WDR72: variants seen among roughly 807,000 people sequenced by gnomAD.
WDR72 encodes WD repeat domain 72, also known as WD repeat-containing protein 72.
WDR72 carries 120 observed loss-of-function variants against 124.2 expected under a neutral mutation model. The ratio of observed to expected loss-of-function variants is 0.97; its 90% CI spans 0.83 to 1.12. The LOEUF (loss-of-function observed/expected upper bound fraction) is 1.12, where lower values mean the gene tolerates loss of function less well. WDR72 is among the 50% of genes most tolerant of loss of function. The pLI is 0.00. For synonymous variants in WDR72, 452 were observed against 441.7 expected (o/e 1.02, Z -0.29); for missense variants, 1,387 against 1,278.8 (o/e 1.08, Z -1.29).
At chr15:53,585,004 T>A (rs914690060) in intron 18 of WDR72, among the ~76,000 whole-genome samples, 37 of 152,012 alleles carry the variant, frequency 2.4e-4, no homozygotes, top group Admixed American at 2.3e-3. Context: ...TGAACTTTAA[T>A]ATCTCATTCA....
At chr15:53,598,993 G>A (rs530751049) in intron 17 of WDR72, among the ~76,000 whole-genome samples, 6 of 152,050 alleles carry the variant, frequency 3.9e-5, no homozygotes, top group African/African-American at 1.4e-4. Flanking sequence ...GCTTGGTGGT[G>A]CGCACCTGTA....
At chr15:53,592,807 C>T (rs1364727814) in intron 18 of WDR72, among the ~76,000 whole-genome samples, 4 of 152,006 alleles carry the variant, frequency 2.6e-5, no homozygotes, top group African/African-American at 9.7e-5. Context: ...CTTTCAAATG[C>T]AATTTAATAA....
At chr15:53,522,170 T>C (rs1046207873) in intron 19 of WDR72, among the ~76,000 whole-genome samples, 2 of 152,020 alleles carry the variant, frequency 1.3e-5, no homozygotes, top group African/African-American at 4.8e-5. Context: ...GGACCTGACA[T>C]AGATTGCAGG....
intron 13 of WDR72, 129 bp downstream of exon 13, chr15:53,699,621 T>C: frequency 1.0e-6 from 1 of 994,786 alleles, no homozygotes; most frequent in Non-Finnish European, 1.5e-6. Flanking sequence ...CTGAAGCCAT[T>C]AAATGCAGCC....
chr15:53,557,877 C>T (rs927217497), intron 18 of WDR72, among the ~76,000 whole-genome samples: 12 of 151,894 alleles, frequency 7.9e-5, no homozygotes, highest in African/African-American at 2.7e-4. Context: ...AGTGGCTAGC[C>T]AGGATGACAC....
chr15:53,599,896 A>G (rs1420078238), intron 17 of WDR72, among the ~76,000 whole-genome samples: 1 of 152,196 alleles, frequency 6.6e-6, no homozygotes, highest in Non-Finnish European at 1.5e-5. Context: ...CCACAAATGC[A>G]TATTATAAGA....
At chr15:53,594,770 C>T (rs1036309221) in intron 18 of WDR72, among the ~76,000 whole-genome samples, 7 of 151,700 alleles carry the variant, frequency 4.6e-5, no homozygotes, top group South Asian at 2.1e-4. Context: ...CCAGACTAGT[C>T]GACAGAGCCT....
intron 7 of WDR72, 32 bp from the exon 8 acceptor site, chr15:53,711,513 G>A: frequency 6.2e-7 from 1 of 1,610,952 alleles, no homozygotes; most frequent in Non-Finnish European, 8.5e-7. Context: ...CATTATCAAA[G>A]GCTTAAATCT....
chr15:53,527,901 C>T (rs758680025), intron 18 of WDR72, among the ~76,000 whole-genome samples: 3 of 151,962 alleles, frequency 2.0e-5, no homozygotes, highest in Non-Finnish European at 2.9e-5. Flanking sequence ...GAGTTGAATG[C>T]CATCCTGCTT....
chr15:53,617,881 A>C (rs2013830876), intron 14 of WDR72, among the ~76,000 whole-genome samples: 1 of 152,112 alleles, frequency 6.6e-6, no homozygotes, highest in African/African-American at 2.4e-5. Flanking sequence ...ATAAACAATA[A>C]ATCTACAAAG....
chr15:53,700,912 C>T (rs557393455), intron 12 of WDR72, among the ~76,000 whole-genome samples: 17 of 152,150 alleles, frequency 1.1e-4, no homozygotes, highest in Non-Finnish European at 2.1e-4. Context: ...GCCCAACGTG[C>T]TCCAGGAAAC....
At chr15:53,532,198 T>A (rs1048503915) in intron 18 of WDR72, among the ~76,000 whole-genome samples, 25 of 152,128 alleles carry the variant, frequency 1.6e-4, no homozygotes, top group African/African-American at 5.6e-4. Context: ...CTGGTGGGAA[T>A]GTAAATTAGT....
intron 17 of WDR72, 71 bp downstream of exon 17, chr15:53,609,442 A>T: frequency 7.6e-7 from 1 of 1,307,862 alleles, no homozygotes; most frequent in South Asian, 1.2e-5. Context: ...TTTCAGATAG[A>T]GGGGGGTATC....
chr15:53,735,249 C>T (rs1034206293), intron 1 of WDR72, among the ~76,000 whole-genome samples: 2 of 152,070 alleles, frequency 1.3e-5, no homozygotes, highest in Non-Finnish European at 2.9e-5. Context: ...TGAGATTGTG[C>T]CACTGCACTC....
At chr15:53,594,802 A>G (rs892653779) in intron 18 of WDR72, among the ~76,000 whole-genome samples, 2 of 151,348 alleles carry the variant, frequency 1.3e-5, no homozygotes, top group Non-Finnish European at 2.9e-5. Flanking sequence ...CCCCCCAAAA[A>G]AAATCCTATC....
At chr15:53,669,217 G>A (rs1022784598) in intron 13 of WDR72, among the ~76,000 whole-genome samples, 2 of 152,092 alleles carry the variant, frequency 1.3e-5, no homozygotes, top group African/African-American at 4.8e-5. Flanking sequence ...GGGTAGTTTT[G>A]TAACAGCGCC....
At chr15:53,528,455 A>G (rs1892246752) in intron 18 of WDR72, among the ~76,000 whole-genome samples, 1 of 152,060 alleles carries the variant, frequency 6.6e-6, no homozygotes, top group Non-Finnish European at 1.5e-5. Flanking sequence ...GTTTAGCAAG[A>G]TGAGTTAAGG....
At chr15:53,673,680 T>C (rs977875861) in intron 13 of WDR72, among the ~76,000 whole-genome samples, 2 of 152,126 alleles carry the variant, frequency 1.3e-5, no homozygotes, top group African/African-American at 4.8e-5. Context: ...AAAAAGCATA[T>C]ATATTTCATT....
At position 53,674,308 on chromosome 15, in the gene WDR72, A is replaced by T. The variant is rs533168360; in HGVS notation, c.1766-8540T>A. ...TCAACAAAACCACTGACTGACAGTT[A>T]TAATCAAATTCCACAAATCAAAAAA... is the stretch of plus-strand genomic sequence containing the variant. On this transcript the variant is annotated intron_variant, in intron 13 of 19. Transcript: ENST00000360509. Among the ~76,000 whole-genome samples, 3 of 152,362 alleles carry T rather than the reference A, an allele frequency of 2.0e-5. No individual in the cohort carries two copies. In the East Asian group the frequency reaches 5.8e-4, roughly 29 times the overall value.
Sources: gnomAD v4.1 joint callset for allele counts (sites outside exome capture counted in the v4.1 genomes callset) on GRCh38, gnomAD v4.1.1 for gene constraint, MANE v1.5 for transcripts, NCBI Gene and HGNC (gene_info 2026-07-23, HGNC 2026-07-21) for gene names.